Variants in MAPK4 observed in about 807,000 individuals in gnomAD.
MAPK4 encodes the protein Erk3-related.
In MAPK4, 22 loss-of-function variants were observed where a neutral mutation model predicts 47.7. That is an observed-to-expected ratio of 0.46 (90% CI 0.33 to 0.66). MAPK4 has a LOEUF of 0.66. MAPK4 is among the 30% of genes least tolerant of loss of function. The probability of loss-of-function intolerance (pLI) is 0.02; values close to 1 mark genes in which losing one functional copy is unlikely to be tolerated. For missense variants in MAPK4, 736 were observed against 831.7 expected, an observed-to-expected ratio of 0.88 and a Z score of 1.42; for synonymous variants, 390 against 365.7, an observed-to-expected ratio of 1.07 and a Z score of -0.76.
chr18:50,575,446 A>G (rs767839283), intron 1 of MAPK4, among the ~76,000 whole-genome samples: 10 of 152,228 alleles, frequency 6.6e-5, no homozygotes, highest in Non-Finnish European at 1.5e-4. Context: ...AGCTATTCCC[A>G]GTTTTTAAAC....
chr18:50,566,369 G>A (rs1326132044), intron 1 of MAPK4, among the ~76,000 whole-genome samples: 2 of 152,206 alleles, frequency 1.3e-5, no homozygotes, highest in Non-Finnish European at 2.9e-5. Context: ...CTTGCCCATT[G>A]AATAATTGGA....
At chr18:50,618,183 G>A (rs922657929) in intron 1 of MAPK4, among the ~76,000 whole-genome samples, 5 of 152,026 alleles carry the variant, frequency 3.3e-5, no homozygotes. Flanking sequence ...TCCATCTCCA[G>A]GCTTAACCTA....
chr18:50,648,834 C>T (rs1057296368), intron 1 of MAPK4, among the ~76,000 whole-genome samples: 1 of 152,174 alleles, frequency 6.6e-6, no homozygotes, highest in South Asian at 2.1e-4. Flanking sequence ...GAGGTGGCCT[C>T]ATGGGGGCAG....
intron 2 of MAPK4, among the ~76,000 whole-genome samples, chr18:50,709,294 G>T (rs1910224203): frequency 6.6e-6 from 1 of 152,116 alleles, no homozygotes; most frequent in Non-Finnish European, 1.5e-5. Context: ...CAGTGCCAGG[G>T]GCCTTCCTGA....
intron 1 of MAPK4, among the ~76,000 whole-genome samples, chr18:50,604,512 C>A (rs573075667): frequency 7.2e-5 from 11 of 152,294 alleles, no homozygotes; most frequent in Non-Finnish European, 1.0e-4. Context: ...AAACAACTCC[C>A]AAATCTGACT....
At chr18:50,660,052 C>A (rs1356317497) in intron 1 of MAPK4, among the ~76,000 whole-genome samples, 1 of 152,218 alleles carries the variant, frequency 6.6e-6, no homozygotes, top group Non-Finnish European at 1.5e-5. Context: ...AAATGGACCA[C>A]TAACCTTAGA....
At chr18:50,714,543 G>A (rs544615171) in intron 2 of MAPK4, among the ~76,000 whole-genome samples, 55 of 152,284 alleles carry the variant, frequency 3.6e-4, no homozygotes, top group Non-Finnish European at 6.6e-4. Context: ...CATCCATTAT[G>A]AAGATGGTCT....
chr18:50,655,477 T>C (rs1356755720), intron 1 of MAPK4, among the ~76,000 whole-genome samples: 3 of 152,144 alleles, frequency 2.0e-5, no homozygotes, highest in Non-Finnish European at 4.4e-5. Context: ...TCTGCCCATA[T>C]ATCAGGGTTT....
chr18:50,629,331 G>A (rs972007695), intron 1 of MAPK4: 11 of 152,254 alleles, frequency 7.2e-5, no homozygotes, highest in Non-Finnish European at 1.3e-4. Context: ...GCAAACAACA[G>A]TGTGATTAAG....
rs775496825 is a variant in MAPK4 at position 50,726,132 on chromosome 18, G to A, written c.1024G>A (p.Ala342Thr). 2.0e-5 allele frequency: 32 copies of A among 1,614,084 alleles called. 1 individual carries two copies. Among genetic ancestry groups the A allele is most frequent in the South Asian group, 8.8e-5 (8 of 91,082 alleles). ...DEIDDIVLMA[A>T]NQSQLSNWDT... ...GATCGACGACATCGTGCTGATGGCCGCTAACCAGAGCCAGCTGTCCAACTG... is the reference window on the plus strand; with the variant it reads ...GATCGACGACATCGTGCTGATGGCCACTAACCAGAGCCAGCTGTCCAACTG... The change falls in exon 5 of 6, where the codon GCT becomes ACT. Residue 342 changes from alanine to threonine, a missense_variant. Transcript: ENST00000400384.
chr18:50,644,206 A>C (rs2042967366), intron 1 of MAPK4, among the ~76,000 whole-genome samples: 1 of 152,026 alleles, frequency 6.6e-6, no homozygotes, highest in Admixed American at 6.6e-5. Context: ...TAGGTAAAAT[A>C]ATGTTCACCT....
intron 1 of MAPK4, among the ~76,000 whole-genome samples, chr18:50,591,147 C>T (rs1000934519): frequency 5.3e-5 from 8 of 152,210 alleles, no homozygotes; most frequent in Non-Finnish European, 1.5e-5. Context: ...GGTTCTTCTG[C>T]ATAAATCAGT....
intron 2 of MAPK4, among the ~76,000 whole-genome samples, chr18:50,668,091 A>C (rs1185076462): frequency 6.6e-6 from 1 of 152,230 alleles, no homozygotes; most frequent in East Asian, 1.9e-4. Context: ...TGTAAGGGTT[A>C]GGGTTAGGTT....
intron 2 of MAPK4, among the ~76,000 whole-genome samples, chr18:50,692,761 T>C (rs1909293605): frequency 6.6e-6 from 1 of 152,134 alleles, no homozygotes; most frequent in Non-Finnish European, 1.5e-5. Context: ...CTCAGAATAA[T>C]GACACCTGTT....
intron 3 of MAPK4, among the ~76,000 whole-genome samples, chr18:50,720,713 C>A (rs1378984903): frequency 1.3e-5 from 2 of 152,190 alleles, no homozygotes; most frequent in East Asian, 3.9e-4. Flanking sequence ...ACCTCATGGT[C>A]CCCTGGTGGG....
chr18:50,578,682 G>A (rs1256907571), intron 1 of MAPK4, among the ~76,000 whole-genome samples: 1 of 152,218 alleles, frequency 6.6e-6, no homozygotes, highest in Non-Finnish European at 1.5e-5. Context: ...GCTAGGTATT[G>A]TGCAAGCTTT....
In MAPK4 at chr18:50,729,207, C is replaced by T. The variant is rs1381237624; in HGVS notation, c.1117C>T (p.Gln373Ter). The change falls in exon 6 of 6, where the codon CAG becomes TAG. Residue 373 changes from glutamine to a stop codon, truncating the protein, a stop_gained. Coordinates refer to ENST00000400384, the MANE Select transcript of MAPK4 (RefSeq NM_002747.4). LOFTEE classifies it high-confidence loss of function. The stretch of plus-strand genomic sequence containing the variant: ...CCTGGAGTGGCGGCCTGACCGGTGC[C>T]AGGACGCCAGCGAGGTACAGCGCGA... Reference protein sequence around the residue: ...SDLEWRPDRCQDASEVQRDPR... With the variant: ...SDLEWRPDRC The T allele has an allele frequency of 1.3e-6, 2 of 1,597,876 alleles. No homozygotes were observed.
chr18:50,722,925 C>T (rs1312611773), intron 4 of MAPK4, among the ~76,000 whole-genome samples: 1 of 152,086 alleles, frequency 6.6e-6, no homozygotes, highest in South Asian at 2.1e-4. Flanking sequence ...TTGGAATCCA[C>T]TGGGCCAGAG....
At chr18:50,628,750 G>A (rs552382819) in intron 1 of MAPK4, among the ~76,000 whole-genome samples, 1 of 140,774 alleles carries the variant, frequency 7.1e-6, no homozygotes, top group East Asian at 2.0e-4. Flanking sequence ...CCTCCTGTGG[G>A]CTCTGCTGCA....
Sources: allele counts gnomAD v4.1 joint callset (sites outside exome capture counted in the v4.1 genomes callset), GRCh38; gene constraint gnomAD v4.1.1; transcripts MANE v1.5; gene names NCBI Gene and HGNC (gene_info 2026-07-23, HGNC 2026-07-21).